The following GAREM1 variants were observed in gnomAD, a reference collection of about 807,000 sequenced individuals.
The protein encoded by GAREM1 is GRB2-associated and regulator of MAPK protein 1.
GAREM1 carries 26 observed loss-of-function variants against 71.3 expected under a neutral mutation model. The observed-to-expected ratio is 0.36, with a 90% CI of 0.27 to 0.51. GAREM1 has a LOEUF of 0.51. Ranked by LOEUF, GAREM1 falls within the 20% of genes least tolerant of loss-of-function variation. The pLI, the probability that GAREM1 is intolerant of heterozygous loss-of-function variation, is 0.95. For synonymous variants in GAREM1, 440 were observed against 433.2 expected (o/e 1.02, Z -0.20); for missense variants, 1,026 against 1,103.1 (o/e 0.93, Z 0.99).
rs766559275 is a variant in GAREM1, at chr18:32,287,908, T to C, written c.689A>G (p.Gln230Arg). The C allele has an allele frequency of 1.2e-6, 2 of 1,613,986 alleles. No homozygotes were observed. The highest frequency in any genetic ancestry group is 1.3e-5 in the African/African-American group (1 of 74,890). ...GTTGCGGATGGTGTGTTCGCCCTCT[T>C]GCATCTGAAGTTCCAGGGGACTTCG... ...STRSPLELQMQEGEHTIRNIV... is the reference protein window; with the variant it reads ...STRSPLELQMREGEHTIRNIV... The change falls in exon 4 of 6, where the codon CAA (glutamine) becomes CGA (arginine). Residue 230 changes from glutamine (Q) to arginine (R), a missense_variant. Coordinates refer to ENST00000269209, the MANE Select transcript of GAREM1 (RefSeq NM_001242409.2). This position sits in a 1 kb window ranked among gnomAD's most constrained non-coding sequence, Gnocchi z 5.9.
At chr18:32,344,446 G>A (rs1220288806) in intron 2 of GAREM1, among the ~76,000 whole-genome samples, 2 of 152,236 alleles carry the variant, frequency 1.3e-5, no homozygotes, top group East Asian at 1.9e-4. Context: ...TCAACATGTT[G>A]CATTAATGTT....
At chr18:32,439,290 T>C (rs2048711729) in intron 1 of GAREM1, among the ~76,000 whole-genome samples, 1 of 152,002 alleles carries the variant, frequency 6.6e-6, no homozygotes, top group Non-Finnish European at 1.5e-5. Context: ...GAAAGAAGAG[T>C]TCTTTTTCAA....
intron 2 of GAREM1, among the ~76,000 whole-genome samples, chr18:32,376,880 A>AAAAAC (rs374816874): frequency 1.2e-3 from 176 of 152,274 alleles, no homozygotes; most frequent in African/African-American, 4.0e-3. Flanking sequence ...TAAATAAACA[A>AAAAAC]AAAACAAAAC....
At chr18:32,457,450 C>T (rs2048907375) in intron 1 of GAREM1, among the ~76,000 whole-genome samples, 1 of 151,944 alleles carries the variant, frequency 6.6e-6, no homozygotes, top group Non-Finnish European at 1.5e-5. Flanking sequence ...ATGGCCTCTG[C>T]TTAGCAAGAA....
rs1267878263 is a variant in GAREM1 at position 32,266,442 on chromosome 18, ACT to A, written c.*1427_*1428del. 6.6e-6 allele frequency: 1 copy of A among 152,068 alleles called. No individual in the cohort carries two copies. Among genetic ancestry groups the A allele is most frequent in the Non-Finnish European group, 1.5e-5 (1 of 68,010 alleles). The allele number at this position is 152,068 out of a possible 1,614,324, so 9.4% of individuals were successfully genotyped here. On this transcript the variant is annotated 3_prime_UTR_variant, in exon 6 of 6. Coordinates refer to ENST00000269209, the MANE Select transcript of GAREM1 (RefSeq NM_001242409.2). ...CCGCACATCTGGAATCTGGGGCCAG[ACT>A]CTCAGGTGCAGGGGAGTAGATGATG... is the stretch of plus-strand genomic sequence containing the variant.
intron 5 of GAREM1, among the ~76,000 whole-genome samples, chr18:32,269,540 T>C (rs1244579896): frequency 1.3e-5 from 2 of 152,218 alleles, no homozygotes; most frequent in African/African-American, 2.4e-5. Flanking sequence ...ACTTCTATCA[T>C]AGCTGACTCG....
At chr18:32,346,127 GC>G (rs1270765392) in intron 2 of GAREM1, among the ~76,000 whole-genome samples, 1 of 151,546 alleles carries the variant, frequency 6.6e-6, no homozygotes. Context: ...TGTTTTTATT[GC>G]CTGTTGCTTT....
At position 32,267,534 on chromosome 18, in the gene GAREM1, C is replaced by A; in HGVS notation, c.*337G>T. ...TTTTTTTAAAGATTTTTATGTCTTC[C>A]AGCTTTGGCTATTTTGTAATAAATA... On this transcript the variant is annotated 3_prime_UTR_variant, in exon 6 of 6. Transcript: ENST00000269209. The A allele has an allele frequency of 1.3e-5, 2 of 156,294 alleles. No individual in the cohort carries two copies. Among genetic ancestry groups the A allele is most frequent in the Non-Finnish European group, 2.7e-5 (2 of 75,044 alleles). 9.7% of individuals were successfully genotyped at this position (156,294 alleles called of 1,614,324 possible).
Position 32,392,792 on chromosome 18 carries a change from G to C in GAREM1, c.262+103C>G. The stretch of plus-strand genomic sequence containing the variant: ...CACACACAAATGTTTGATTCTCTAA[G>C]TCATTCTACTTTCTAGTTTACAGAC... On this transcript the variant is annotated intron_variant, in intron 2 of 5. Transcript: ENST00000269209. The C allele has an allele frequency of 2.4e-6, 3 of 1,252,488 alleles. No individual in the cohort carries two copies. The South Asian group carries it at 4.6e-5, about 19-fold the overall frequency. 77.6% of individuals were successfully genotyped at this position (1,252,488 alleles called of 1,614,324 possible).
intron 1 of GAREM1, among the ~76,000 whole-genome samples, chr18:32,416,689 G>T (rs1174503726): frequency 6.6e-6 from 1 of 152,094 alleles, no homozygotes; most frequent in Non-Finnish European, 1.5e-5. Flanking sequence ...AATGAAACTA[G>T]ACCCTTATCT....
chr18:32,399,819 C>A (rs1336156038), intron 1 of GAREM1, among the ~76,000 whole-genome samples: 1 of 152,144 alleles, frequency 6.6e-6, no homozygotes, highest in Admixed American at 6.5e-5. Flanking sequence ...TTGGAAAAAA[C>A]TACTTTAAAG....
intron 3 of GAREM1, among the ~76,000 whole-genome samples, chr18:32,291,296 T>C (rs557226617): frequency 2.0e-5 from 3 of 149,852 alleles, no homozygotes; most frequent in African/African-American, 7.3e-5. Context: ...AGTATATACA[T>C]TTTCTTTTTA....
At chr18:32,290,712 G>A (rs1372862543) in intron 3 of GAREM1, among the ~76,000 whole-genome samples, 1 of 151,014 alleles carries the variant, frequency 6.6e-6, no homozygotes, top group African/African-American at 2.4e-5. Context: ...GATGTACAAT[G>A]GCTTTCAAAC....
At chr18:32,427,768 C>T (rs2048588718) in intron 1 of GAREM1, among the ~76,000 whole-genome samples, 1 of 152,088 alleles carries the variant, frequency 6.6e-6, no homozygotes, top group African/African-American at 2.4e-5. Context: ...TGAATATTTC[C>T]AATTTTCCTT....
At chr18:32,308,001 T>C (rs540805292) in intron 3 of GAREM1, among the ~76,000 whole-genome samples, 2 of 152,196 alleles carry the variant, frequency 1.3e-5, no homozygotes, top group Non-Finnish European at 2.9e-5. Flanking sequence ...GAGGTTCCTA[T>C]AACAATCCTT....
intron 2 of GAREM1, among the ~76,000 whole-genome samples, chr18:32,370,686 T>C (rs746073861): frequency 3.3e-5 from 5 of 152,222 alleles, no homozygotes; most frequent in African/African-American, 4.8e-5. Flanking sequence ...CTTCACCACT[T>C]AGATTGGCGA....
At chr18:32,284,176 T>C (rs1170307547) in intron 4 of GAREM1, among the ~76,000 whole-genome samples, 1 of 152,202 alleles carries the variant, frequency 6.6e-6, no homozygotes, top group East Asian at 1.9e-4. Flanking sequence ...GGAAAATTCA[T>C]TTCATGGTCA....
At chr18:32,437,328 T>A (rs539943830) in intron 1 of GAREM1, among the ~76,000 whole-genome samples, 76 of 152,288 alleles carry the variant, frequency 5.0e-4, no homozygotes, top group Non-Finnish European at 4.3e-4. Flanking sequence ...TCTCAGGGCT[T>A]CCTTCCAGCT....
intron 1 of GAREM1, among the ~76,000 whole-genome samples, chr18:32,449,164 A>G (rs2048810332): frequency 6.6e-6 from 1 of 152,200 alleles, no homozygotes; most frequent in African/African-American, 2.4e-5. Context: ...GCTCTTGAGA[A>G]GTAAATGAGA....
Sources: gnomAD v4.1 joint callset for allele counts (sites outside exome capture counted in the v4.1 genomes callset) on GRCh38, gnomAD v4.1.1 for gene constraint, Gnocchi (gnomAD v3.1) non-coding constraint, MANE v1.5 for transcripts, NCBI Gene and HGNC (gene_info 2026-07-23, HGNC 2026-07-21) for gene names.